NRXN3: variants seen among roughly 807,000 people sequenced by gnomAD.
NRXN3 encodes neurexin III.
A neutral mutation model predicts 137.6 loss-of-function variants in NRXN3; 32 were observed. The ratio of observed to expected loss-of-function variants is 0.23; its 90% confidence interval spans 0.18 to 0.31. The LOEUF is 0.31. NRXN3 is among the 10% of genes least tolerant of loss of function. The pLI, the probability that NRXN3 is intolerant of heterozygous loss-of-function variation, is 1.00. For missense variants in NRXN3, 1,574 were observed against 2,062.5 expected (o/e 0.76, Z 4.59); for synonymous variants, 798 against 784.5 (o/e 1.02, Z -0.29).
chr14:78,907,722 C>T (rs994295342), intron 10 of NRXN3, among the ~76,000 whole-genome samples: 1 of 151,764 alleles, frequency 6.6e-6, no homozygotes, highest in Non-Finnish European at 1.5e-5. Flanking sequence ...TTTGTTGTAC[C>T]GATTATTTTA....
chr14:78,870,372 T>C (rs918892292), intron 10 of NRXN3, among the ~76,000 whole-genome samples: 12 of 152,200 alleles, frequency 7.9e-5, no homozygotes, highest in Non-Finnish European at 4.4e-5. Flanking sequence ...ATAAGTTTTT[T>C]AAAAGTTTAT....
intron 15 of NRXN3, among the ~76,000 whole-genome samples, chr14:79,066,297 G>T (rs1395837465): frequency 6.6e-6 from 1 of 152,084 alleles, no homozygotes; most frequent in Non-Finnish European, 1.5e-5. Context: ...TCACATGGTT[G>T]TAGGTGTGCG....
chr14:79,843,821 AGTG>A (rs1268001970), intron 20 of NRXN3, among the ~76,000 whole-genome samples: 1 of 152,132 alleles, frequency 6.6e-6, no homozygotes, highest in Non-Finnish European at 1.5e-5. Flanking sequence ...TAAGTTCTGT[AGTG>A]GTGATTCTGA....
chr14:79,053,367 G>A (rs2099644771), intron 15 of NRXN3, among the ~76,000 whole-genome samples: 1 of 152,116 alleles, frequency 6.6e-6, no homozygotes, highest in South Asian at 2.1e-4. Context: ...CTTTCCTAGG[G>A]TCACACAGGT....
intron 16 of NRXN3, among the ~76,000 whole-genome samples, chr14:79,514,124 T>C (rs2096959219): frequency 1.3e-5 from 2 of 152,184 alleles, no homozygotes; most frequent in South Asian, 4.2e-4. Flanking sequence ...GAAACATATA[T>C]AGATATGTAG....
At chr14:79,460,604 A>T (rs1600638322) in intron 15 of NRXN3, among the ~76,000 whole-genome samples, 1 of 152,214 alleles carries the variant, frequency 6.6e-6, no homozygotes, top group Admixed American at 6.5e-5. Context: ...TTGTTTCTGG[A>T]ATATTGGGAC....
chr14:78,857,247 G>A (rs913825283), intron 10 of NRXN3, among the ~76,000 whole-genome samples: 4 of 151,760 alleles, frequency 2.6e-5, no homozygotes, highest in African/African-American at 7.3e-5. Context: ...TAAGACATCC[G>A]AATGTGTAGA....
chr14:78,789,045 A>G (rs2098797638), intron 8 of NRXN3, among the ~76,000 whole-genome samples: 1 of 152,192 alleles, frequency 6.6e-6, no homozygotes, highest in African/African-American at 2.4e-5. Flanking sequence ...ACTGTCATTT[A>G]TAATGGTTTA....
Position 78,765,302 on chromosome 14 carries a change from C to G in NRXN3, c.2045-38318C>G, listed in dbSNP as rs112515657. Reference sequence around the variant, plus strand: ...CTGAGTAGCTAGGATTATAGGTATGCACCACTACACCCGGCTAATGTTCTA... The same window carrying G: ...CTGAGTAGCTAGGATTATAGGTATGGACCACTACACCCGGCTAATGTTCTA... On this transcript the variant is annotated intron_variant, in intron 8 of 20. Coordinates refer to ENST00000335750, the MANE Select transcript of NRXN3 (RefSeq NM_001330195.2). Among the ~76,000 whole-genome samples, 1,088 of 152,258 alleles carry G rather than the reference C, an allele frequency of 7.1e-3. 8 individuals carry two copies. Among genetic ancestry groups the G allele is most frequent in the Non-Finnish European group, 0.01 (699 of 68,010 alleles).
At position 79,267,229 on chromosome 14, in the gene NRXN3, A is replaced by C. The variant is rs561313151; in HGVS notation, c.3263-199992A>C. ...TAATTTGATCACAGTTCTCTTTCTA[A>C]AAGCATTGCTTTAATATTCTCTTAT... On this transcript the variant is annotated intron_variant, in intron 15 of 20. Transcript: ENST00000335750. 1.1e-3 allele frequency among the ~76,000 whole-genome samples: 168 copies of C among 152,338 alleles called. 1 individual carries two copies. The highest frequency in any genetic ancestry group is 2.3e-3 in the Non-Finnish European group (154 of 68,024).
chr14:79,038,862 T>C (rs981321623), intron 15 of NRXN3, among the ~76,000 whole-genome samples: 1 of 152,188 alleles, frequency 6.6e-6, no homozygotes, highest in Non-Finnish European at 1.5e-5. Flanking sequence ...TCTGGATCTC[T>C]GGGAAAATTT....
intron 19 of NRXN3, among the ~76,000 whole-genome samples, chr14:79,801,420 C>T (rs2099180165): frequency 6.6e-6 from 1 of 152,116 alleles, no homozygotes; most frequent in Non-Finnish European, 1.5e-5. Context: ...TAGGCAGATA[C>T]CAAATTTATT....
intron 4 of NRXN3, among the ~76,000 whole-genome samples, chr14:78,576,465 C>T (rs2096936949): frequency 6.6e-6 from 1 of 152,020 alleles, no homozygotes; most frequent in African/African-American, 2.4e-5. Context: ...CCCATAAGCT[C>T]ACTACCCAGA....
At chr14:78,918,720 A>G (rs2099263345) in intron 10 of NRXN3, among the ~76,000 whole-genome samples, 1 of 152,102 alleles carries the variant, frequency 6.6e-6, no homozygotes, top group African/African-American at 2.4e-5. Context: ...GCAATACTGT[A>G]TTTTTACTGT....
intron 4 of NRXN3, among the ~76,000 whole-genome samples, chr14:78,621,923 G>T (rs964678359): frequency 6.6e-6 from 1 of 152,130 alleles, no homozygotes; most frequent in African/African-American, 2.4e-5. Context: ...GATTTACATA[G>T]AGGGTATTAG....
At chr14:79,125,193 T>C (rs2152934499) in intron 15 of NRXN3, among the ~76,000 whole-genome samples, 1 of 152,290 alleles carries the variant, frequency 6.6e-6, no homozygotes, top group South Asian at 2.1e-4. Context: ...CGACTCAACA[T>C]CTCCTTCTTA....
chr14:79,175,611 G>A (rs999756398), intron 15 of NRXN3, among the ~76,000 whole-genome samples: 3 of 152,178 alleles, frequency 2.0e-5, no homozygotes, highest in Non-Finnish European at 4.4e-5. Context: ...TCCACAAGCT[G>A]AATAATGAGA....
At chr14:79,833,582 C>G (rs2099329218) in intron 20 of NRXN3, among the ~76,000 whole-genome samples, 1 of 151,724 alleles carries the variant, frequency 6.6e-6, no homozygotes, top group African/African-American at 2.4e-5. Context: ...GAGCATGCAG[C>G]CTTCATCAGA....
At chr14:78,849,603 G>A (rs1184048998) in intron 10 of NRXN3, among the ~76,000 whole-genome samples, 2 of 152,038 alleles carry the variant, frequency 1.3e-5, no homozygotes, top group African/African-American at 4.8e-5. Context: ...AGTTCAAAAT[G>A]TTCTGTTCTA....
Sources: allele counts gnomAD v4.1 joint callset (sites outside exome capture counted in the v4.1 genomes callset), GRCh38; gene constraint gnomAD v4.1.1; transcripts MANE v1.5; gene names NCBI Gene and HGNC (gene_info 2026-07-23, HGNC 2026-07-21).